The following KLHL14 variants were observed in gnomAD, a reference collection of about 807,000 sequenced individuals.
The protein encoded by KLHL14 is kelch-like protein 14.
Under a neutral mutation model 64.3 loss-of-function variants are expected in KLHL14, and 22 were observed. That is an observed-to-expected ratio of 0.34 (90% CI 0.24 to 0.49). The LOEUF (loss-of-function observed/expected upper bound fraction) is 0.49. Among genes scored for constraint, KLHL14 ranks in the 20% least tolerant of loss-of-function variants. The probability of loss-of-function intolerance (pLI) is 0.99; values close to 1 mark genes in which losing one functional copy is unlikely to be tolerated. For missense variants in KLHL14, 661 were observed against 789.0 expected (o/e 0.84, Z 1.94); for synonymous variants, 322 against 333.4 (o/e 0.97, Z 0.37).
At chr18:32,772,109 C>T (rs2050391403) in intron 1 of KLHL14, 1 of 238,320 alleles carries the variant, frequency 4.2e-6, no homozygotes, top group Admixed American at 5.6e-5. Context: ...GGCCCGCCGG[C>T]CCGCCGGCCC....
chr18:32,706,025 T>A (rs1349773490), intron 3 of KLHL14, among the ~76,000 whole-genome samples: 1 of 152,226 alleles, frequency 6.6e-6, no homozygotes, highest in Non-Finnish European at 1.5e-5. Flanking sequence ...TTTGTTCCTT[T>A]TAGATAATCC....
At chr18:32,715,751 G>T (rs1444953425) in intron 3 of KLHL14, among the ~76,000 whole-genome samples, 22 of 152,060 alleles carry the variant, frequency 1.4e-4, no homozygotes, top group Admixed American at 1.4e-3. Context: ...TCTTAACCTA[G>T]ATCCTTTATG....
At chr18:32,764,838 A>G (rs1224999118) in intron 2 of KLHL14, among the ~76,000 whole-genome samples, 1 of 152,138 alleles carries the variant, frequency 6.6e-6, no homozygotes, top group Non-Finnish European at 1.5e-5. Flanking sequence ...GTTGCTTTTT[A>G]TAGAAAAAAA....
rs907633918 is a variant in KLHL14, at chr18:32,673,388, A to C, written c.*1269T>G. On this transcript the variant is annotated 3_prime_UTR_variant, in exon 9 of 9. Transcript: ENST00000359358. ...TGTTGTTCAAGCTCTGGAGGGCTTG[A>C]AAATCGAATGTGCATTCCTGTCAGT... 2.6e-5 allele frequency: 4 copies of C among 152,200 alleles called. No individual in the cohort carries two copies. Among genetic ancestry groups the C allele is most frequent in the African/African-American group, 9.7e-5 (4 of 41,448 alleles). 9.4% of individuals were successfully genotyped at this position (152,200 alleles called of 1,614,324 possible).
chr18:32,764,354 C>A (rs779133455), intron 2 of KLHL14, among the ~76,000 whole-genome samples: 9 of 151,984 alleles, frequency 5.9e-5, no homozygotes, highest in Non-Finnish European at 1.2e-4. Context: ...CTATTCAAAT[C>A]CTTAAGTCAT....
At chr18:32,708,942 T>C (rs767041861) in intron 3 of KLHL14, among the ~76,000 whole-genome samples, 2 of 152,184 alleles carry the variant, frequency 1.3e-5, no homozygotes, top group Admixed American at 6.5e-5. Context: ...AAACCCCCTA[T>C]ATTCCATAGA....
At chr18:32,702,227 T>C (rs1300485117) in intron 3 of KLHL14, among the ~76,000 whole-genome samples, 2 of 152,138 alleles carry the variant, frequency 1.3e-5, no homozygotes, top group Non-Finnish European at 2.9e-5. Flanking sequence ...TATTTACTCA[T>C]TGAAGCAAAT....
intron 3 of KLHL14, among the ~76,000 whole-genome samples, chr18:32,726,387 G>A (rs2050108231): frequency 6.6e-6 from 1 of 152,142 alleles, no homozygotes. Flanking sequence ...ACTTTGGGAG[G>A]CAGAGGTGGG....
At chr18:32,730,659 T>A (rs76262890) in intron 3 of KLHL14, among the ~76,000 whole-genome samples, 1,584 of 152,306 alleles carry the variant, frequency 0.01, 15 homozygotes, top group African/African-American at 0.03. Flanking sequence ...TTGTCTAGTG[T>A]GAAGTCACGC....
intron 5 of KLHL14, among the ~76,000 whole-genome samples, chr18:32,684,669 G>C (rs928925306): frequency 6.6e-6 from 1 of 152,052 alleles, no homozygotes; most frequent in Non-Finnish European, 1.5e-5. Context: ...CAGCAGTTTG[G>C]TAGCAGCATA....
chr18:32,720,865 C>T (rs1226990706), intron 3 of KLHL14, among the ~76,000 whole-genome samples: 3 of 152,116 alleles, frequency 2.0e-5, no homozygotes, highest in Admixed American at 6.5e-5. Context: ...AATACTCTAC[C>T]TTCTTCATGA....
intron 2 of KLHL14, among the ~76,000 whole-genome samples, chr18:32,746,524 A>T (rs1310975652): frequency 6.6e-6 from 1 of 152,222 alleles, no homozygotes; most frequent in Non-Finnish European, 1.5e-5. Flanking sequence ...TCATTTATTT[A>T]TATTTCAGTG....
intron 2 of KLHL14, among the ~76,000 whole-genome samples, chr18:32,751,140 G>A (rs1011453165): frequency 1.3e-5 from 2 of 152,120 alleles, no homozygotes; most frequent in African/African-American, 4.8e-5. Flanking sequence ...CAAGTAATTG[G>A]CCTGGCCAGA....
intron 3 of KLHL14, among the ~76,000 whole-genome samples, chr18:32,713,751 ATAG>A (rs1277814914): frequency 2.6e-5 from 4 of 152,140 alleles, no homozygotes; most frequent in African/African-American, 9.7e-5. Context: ...ATAGTTTTTA[ATAG>A]TAGTATGATA....
At chr18:32,765,600 T>C (rs1240069402) in intron 2 of KLHL14, among the ~76,000 whole-genome samples, 1 of 152,174 alleles carries the variant, frequency 6.6e-6, no homozygotes, top group East Asian at 1.9e-4. Context: ...TAAAGGGAAG[T>C]AACAATTTAG....
chr18:32,699,237 C>A (rs2049951557), intron 3 of KLHL14, among the ~76,000 whole-genome samples: 1 of 152,042 alleles, frequency 6.6e-6, no homozygotes, highest in Non-Finnish European at 1.5e-5. Flanking sequence ...CAATAATAAC[C>A]AGCATTGACC....
chr18:32,747,390 G>C (rs1030290002), intron 2 of KLHL14, among the ~76,000 whole-genome samples: 3 of 152,162 alleles, frequency 2.0e-5, no homozygotes, highest in African/African-American at 4.8e-5. Flanking sequence ...ATCAGTGGGA[G>C]CCCTGAGCTT....
chr18:32,769,117 C>A (rs1160926705), intron 2 of KLHL14, among the ~76,000 whole-genome samples: 1 of 152,148 alleles, frequency 6.6e-6, no homozygotes, highest in Non-Finnish European at 1.5e-5. Flanking sequence ...GGAGCAGATC[C>A]CAGTCATGAA....
intron 8 of KLHL14, among the ~76,000 whole-genome samples, chr18:32,675,136 T>C (rs574979500): frequency 1.3e-5 from 2 of 152,210 alleles, no homozygotes; most frequent in African/African-American, 4.8e-5. Flanking sequence ...AGAGGATCAC[T>C]TGAGCCCAGG....
Sources: allele counts gnomAD v4.1 joint callset (sites outside exome capture counted in the v4.1 genomes callset), GRCh38; gene constraint gnomAD v4.1.1; transcripts MANE v1.5; gene names NCBI Gene and HGNC (gene_info 2026-07-23, HGNC 2026-07-21).